The following AIDA variants were observed in gnomAD, a reference collection of about 807,000 sequenced individuals.
AIDA encodes the protein axin interactor, dorsalization associated, also known as axin interactor, dorsalization-associated protein.
AIDA carries 18 observed loss-of-function variants against 42.7 expected under a neutral mutation model. The observed-to-expected ratio is 0.42, with a 90% confidence interval of 0.29 to 0.63. The LOEUF is 0.63. Ranked by LOEUF, AIDA falls within the 20% of genes least tolerant of loss-of-function variation. AIDA has a pLI of 0.19. For missense variants in AIDA, 250 were observed against 354.1 expected, an observed-to-expected ratio of 0.71 and a Z score of 2.36; for synonymous variants, 104 against 122.9, an observed-to-expected ratio of 0.85 and a Z score of 1.02.
intron 2 of AIDA, among the ~76,000 whole-genome samples, chr1:222,701,842 G>T (rs1227493455): frequency 6.6e-6 from 1 of 152,076 alleles, no homozygotes; most frequent in Non-Finnish European, 1.5e-5. Context: ...TCTTGCCTCA[G>T]CCTCCCTAGT....
At chr1:222,708,742 T>C (rs1655912760) in intron 1 of AIDA, among the ~76,000 whole-genome samples, 1 of 152,172 alleles carries the variant, frequency 6.6e-6, no homozygotes, top group Non-Finnish European at 1.5e-5. Context: ...TGTCTGATTC[T>C]GAGCAACAGT....
At chr1:222,674,882 G>T (rs1042144572) in intron 7 of AIDA, among the ~76,000 whole-genome samples, 1 of 152,122 alleles carries the variant, frequency 6.6e-6, no homozygotes, top group African/African-American at 2.4e-5. Context: ...TGTATGCAAA[G>T]GTAACTTAAC....
intron 1 of AIDA, among the ~76,000 whole-genome samples, chr1:222,708,714 A>G (rs1655911987): frequency 6.6e-6 from 1 of 152,164 alleles, no homozygotes; most frequent in Admixed American, 6.5e-5. Context: ...TAAATATCTC[A>G]GGATTGATCC....
intron 7 of AIDA, among the ~76,000 whole-genome samples, chr1:222,674,447 A>G (rs893542491): frequency 2.6e-5 from 4 of 152,234 alleles, no homozygotes; most frequent in African/African-American, 4.8e-5. Context: ...ATATGCCTCA[A>G]TGGGACCTTA....
Position 222,673,380 on chromosome 1 carries a change from T to C in AIDA, c.639A>G (p.Lys213=). ...PVQDTPVASR[K]EDTYVHFNVD... is the part of the protein sequence containing the mutation. The stretch of plus-strand genomic sequence containing the variant: ...CATTAAAATGAACATATGTATCTTC[T>C]TTTCTTGAAGCCACAGGAGTATCTT... The change falls in exon 8 of 10, where the codon AAA becomes AAG. Residue 213 remains lysine, a synonymous_variant. Transcript: ENST00000340020. 2 of 1,611,004 alleles carry C rather than the reference T, an allele frequency of 1.2e-6. No individual in the cohort carries two copies. Among genetic ancestry groups the C allele is most frequent in the Non-Finnish European group, 1.7e-6 (2 of 1,178,294 alleles).
chr1:222,708,676 GAT>G (rs1392544868), intron 1 of AIDA, among the ~76,000 whole-genome samples: 1 of 152,060 alleles, frequency 6.6e-6, no homozygotes, highest in East Asian at 1.9e-4. Context: ...CCAGTTAGCA[GAT>G]ATTTATTGAG....
chr1:222,675,980 A>C, intron 7 of AIDA, 116 bp downstream of exon 7: 4 of 1,196,282 alleles, frequency 3.3e-6, no homozygotes, highest in Non-Finnish European at 4.5e-6. Flanking sequence ...AATGAACTAA[A>C]ATGAGTTGTC....
intron 6 of AIDA, among the ~76,000 whole-genome samples, chr1:222,682,153 G>A (rs1038211364): frequency 2.2e-4 from 34 of 151,940 alleles, no homozygotes; most frequent in Non-Finnish European, 1.8e-4. Context: ...TTCCTTTTTT[G>A]TCTTATTATT....
chr1:222,688,723 C>T (rs1422732031), intron 4 of AIDA, among the ~76,000 whole-genome samples: 3 of 152,094 alleles, frequency 2.0e-5, no homozygotes, highest in Non-Finnish European at 4.4e-5. Context: ...CCTCAGCTTC[C>T]CGAGTAGCTA....
intron 5 of AIDA, 114 bp downstream of exon 5, chr1:222,687,481 T>C: frequency 1.1e-6 from 1 of 903,014 alleles, no homozygotes; most frequent in East Asian, 3.0e-5. Flanking sequence ...ACTGTTATCA[T>C]TGTTGATGTC....
At chr1:222,702,731 A>AG (rs1655742858) in intron 2 of AIDA, among the ~76,000 whole-genome samples, 1 of 152,244 alleles carries the variant, frequency 6.6e-6, no homozygotes, top group African/African-American at 2.4e-5. Context: ...GACAGGAGTT[A>AG]GGAAAGTTCA....
chr1:222,670,071 T>G, intron 9 of AIDA, 62 bp downstream of exon 9: 1 of 1,607,948 alleles, frequency 6.2e-7, no homozygotes, highest in Non-Finnish European at 8.5e-7. Flanking sequence ...TATGGGGGAT[T>G]CAGAAGAAAG....
At position 222,669,852 on chromosome 1, in the gene AIDA, G is replaced by A; in HGVS notation, c.*41C>T. 1 of 1,575,626 alleles carries A rather than the reference G, an allele frequency of 6.3e-7. No homozygotes were observed. On this transcript the variant is annotated 3_prime_UTR_variant, in exon 10 of 10. Coordinates refer to ENST00000340020, the MANE Select transcript of AIDA (RefSeq NM_022831.4). ...ACAGAGCTATGATGGTTTCTACTGAGTGGTAAAATTCACAGAAGTTCCAGG... is the reference window on the plus strand; with the variant it reads ...ACAGAGCTATGATGGTTTCTACTGAATGGTAAAATTCACAGAAGTTCCAGG...
At chr1:222,709,388 G>A (rs776205147) in intron 1 of AIDA, among the ~76,000 whole-genome samples, 41 of 152,050 alleles carry the variant, frequency 2.7e-4, no homozygotes, top group Non-Finnish European at 5.3e-4. Context: ...CCGAGATCGC[G>A]CCACTGCACT....
At position 222,706,590 on chromosome 1, in the gene AIDA, G is replaced by A. The variant is rs142147689; in HGVS notation, c.111-3373C>T. Among the ~76,000 whole-genome samples the A allele has an allele frequency of 1.5e-3, 228 of 152,042 alleles. 6 individuals are homozygous for A. In the South Asian group the frequency reaches 0.021, roughly 14 times the overall value. ...AAGTCAGATGCAAAAGATCACACCCGGCATGTGGTGGCTCATGCCTGTAAT... is the reference window on the plus strand; with the variant it reads ...AAGTCAGATGCAAAAGATCACACCCAGCATGTGGTGGCTCATGCCTGTAAT... On this transcript the variant is annotated intron_variant, in intron 1 of 9. Transcript: ENST00000340020.
intron 6 of AIDA, among the ~76,000 whole-genome samples, chr1:222,683,941 G>T (rs182413389): frequency 2.0e-5 from 3 of 151,960 alleles, no homozygotes; most frequent in Non-Finnish European, 2.9e-5. Context: ...TTCATGAAAG[G>T]CTGGCTAAAA....
In AIDA at chr1:222,672,447, G is replaced by C. The variant is rs191904560; in HGVS notation, c.706+866C>G. On this transcript the variant is annotated intron_variant, in intron 8 of 9. Transcript: ENST00000340020. The stretch of plus-strand genomic sequence containing the variant: ...TCTAACACAGTGACTCTGGAGCTTT[G>C]GTGTATGTCAGAATCACCTAGAGGG... Among the ~76,000 whole-genome samples the C allele has an allele frequency of 2.6e-4, 39 of 152,246 alleles. No homozygotes were observed. The East Asian group carries it at 3.7e-3, about 14-fold the overall frequency.
intron 4 of AIDA, 112 bp from the exon 5 acceptor site, chr1:222,687,770 T>C: frequency 1.2e-6 from 1 of 820,636 alleles, no homozygotes; most frequent in Non-Finnish European, 1.7e-6. Flanking sequence ...TATATATAAA[T>C]TCCCAGCCTT....
intron 6 of AIDA, among the ~76,000 whole-genome samples, chr1:222,685,984 AC>A (rs1655166581): frequency 1.3e-5 from 2 of 152,258 alleles, no homozygotes; most frequent in Admixed American, 6.5e-5. Flanking sequence ...ACATGGCGAA[AC>A]CCTGTCTCTA....
Sources: gnomAD v4.1 joint callset for allele counts (sites outside exome capture counted in the v4.1 genomes callset) on GRCh38, gnomAD v4.1.1 for gene constraint, MANE v1.5 for transcripts, NCBI Gene and HGNC (gene_info 2026-07-23, HGNC 2026-07-21) for gene names.